Variants in GABBR2 observed in about 807,000 individuals in gnomAD.
GABBR2 encodes gamma-aminobutyric acid type B receptor subunit 2.
Under a neutral mutation model 105.6 loss-of-function variants are expected in GABBR2, and 23 were observed. The observed-to-expected ratio is 0.22, with a 90% CI of 0.16 to 0.31. The LOEUF (loss-of-function observed/expected upper bound fraction) is 0.31, where lower values mean the gene tolerates loss of function less well. Among genes scored for constraint, GABBR2 ranks in the 10% least tolerant of loss-of-function variants. GABBR2 has a pLI of 1.00. For synonymous variants in GABBR2, 478 were observed against 499.7 expected (o/e 0.96, Z 0.58); for missense variants, 734 against 1,245.5 (o/e 0.59, Z 6.18).
chr9:98,536,853 T>A (rs1828191165), intron 3 of GABBR2, among the ~76,000 whole-genome samples: 2 of 152,160 alleles, frequency 1.3e-5, no homozygotes, highest in African/African-American at 2.4e-5. Flanking sequence ...TTGTCTTCCA[T>A]CTGGCAGGGC....
intron 1 of GABBR2, among the ~76,000 whole-genome samples, chr9:98,624,333 C>T (rs1343280744): frequency 6.6e-6 from 1 of 152,176 alleles, no homozygotes; most frequent in Non-Finnish European, 1.5e-5. Flanking sequence ...ACCTCACAGC[C>T]TCAGTGGGTC....
intron 1 of GABBR2, among the ~76,000 whole-genome samples, chr9:98,633,108 G>A (rs1829835354): frequency 1.3e-5 from 2 of 152,282 alleles, no homozygotes; most frequent in East Asian, 1.9e-4. Flanking sequence ...GAACAAAAGT[G>A]AAGTCACCCA....
intron 5 of GABBR2, among the ~76,000 whole-genome samples, chr9:98,475,346 T>TAA (rs970234599): frequency 7.1e-6 from 1 of 141,772 alleles, no homozygotes. Flanking sequence ...ACAGAAACTT[T>TAA]AAAAAAAAAA....
intron 3 of GABBR2, among the ~76,000 whole-genome samples, chr9:98,521,813 G>A (rs1421705089): frequency 6.6e-6 from 1 of 152,050 alleles, no homozygotes; most frequent in East Asian, 1.9e-4. Context: ...CATGCTGTAA[G>A]CGAATACCAG....
At chr9:98,636,410 T>C (rs1829876701) in intron 1 of GABBR2, among the ~76,000 whole-genome samples, 2 of 151,934 alleles carry the variant, frequency 1.3e-5, no homozygotes, top group African/African-American at 4.8e-5. Flanking sequence ...AATCATGCCC[T>C]TGGAGACAGG....
intron 7 of GABBR2, among the ~76,000 whole-genome samples, chr9:98,446,856 A>T (rs1377422495): frequency 6.6e-6 from 1 of 152,114 alleles, no homozygotes; most frequent in Non-Finnish European, 1.5e-5. Context: ...AGAGCTTCTA[A>T]CAAGTTCTCC....
intron 8 of GABBR2, among the ~76,000 whole-genome samples, chr9:98,398,486 A>G (rs1832333715): frequency 6.6e-6 from 1 of 152,042 alleles, no homozygotes; most frequent in Admixed American, 6.5e-5. Flanking sequence ...CTGTAGCCCC[A>G]AACTCCTGTT....
chr9:98,447,848 G>A (rs565026082), intron 7 of GABBR2, among the ~76,000 whole-genome samples: 5 of 151,836 alleles, frequency 3.3e-5, no homozygotes, highest in Non-Finnish European at 7.4e-5. Context: ...AGGGGGTGGG[G>A]GGAGCATTTT....
At chr9:98,676,128 T>A (rs1202259808) in intron 1 of GABBR2, among the ~76,000 whole-genome samples, 1 of 152,250 alleles carries the variant, frequency 6.6e-6, no homozygotes, top group African/African-American at 2.4e-5. Flanking sequence ...ACAAGGGTTC[T>A]TATACGTGGG....
intron 13 of GABBR2, among the ~76,000 whole-genome samples, chr9:98,343,861 AAAAAAAAG>A (rs1052176364): frequency 6.6e-4 from 100 of 151,888 alleles, no homozygotes; most frequent in Admixed American, 1.9e-3. Context: ...CCGTCAAAAT[AAAAAAAAG>A]AAAAAAAGAA....
chr9:98,626,831 C>T (rs1424859764), intron 1 of GABBR2, among the ~76,000 whole-genome samples: 9 of 152,162 alleles, frequency 5.9e-5, no homozygotes, highest in African/African-American at 1.2e-4. Context: ...AGTCAGTCAA[C>T]GAGCACTAAT....
chr9:98,499,621 G>A (rs1466215908), intron 3 of GABBR2, among the ~76,000 whole-genome samples: 1 of 152,248 alleles, frequency 6.6e-6, no homozygotes, highest in Non-Finnish European at 1.5e-5. Flanking sequence ...TAATGTAATA[G>A]ATCTTCCTCA....
intron 2 of GABBR2, among the ~76,000 whole-genome samples, chr9:98,547,342 CA>C (rs1333792480): frequency 8.7e-6 from 1 of 115,092 alleles, no homozygotes; most frequent in Non-Finnish European, 1.9e-5. Context: ...ATATATTTAA[CA>C]TATTTATTAC....
intron 11 of GABBR2, among the ~76,000 whole-genome samples, chr9:98,380,568 CTCCACG>C (rs3837260): frequency 1.3e-5 from 2 of 152,250 alleles, no homozygotes; most frequent in East Asian, 3.8e-4. Context: ...TTGCAGACAG[CTCCACG>C]TCCACAGGGG....
intron 6 of GABBR2, among the ~76,000 whole-genome samples, chr9:98,464,231 C>T (rs988671193): frequency 1.8e-4 from 27 of 151,184 alleles, no homozygotes; most frequent in East Asian, 5.9e-4. Flanking sequence ...ATGTGAGGAG[C>T]GCCTCTGCCT....
At chr9:98,489,039 A>G (rs1433557585) in intron 4 of GABBR2, among the ~76,000 whole-genome samples, 1 of 152,230 alleles carries the variant, frequency 6.6e-6, no homozygotes, top group East Asian at 1.9e-4. Flanking sequence ...CTCATAGGCC[A>G]TATAGTCTCT....
At chr9:98,464,641 G>A (rs904030417) in intron 6 of GABBR2, among the ~76,000 whole-genome samples, 4 of 152,266 alleles carry the variant, frequency 2.6e-5, no homozygotes, top group Non-Finnish European at 4.4e-5. Flanking sequence ...CATCGAGAAT[G>A]GGCCATGATG....
intron 2 of GABBR2, chr9:98,555,570 C>T (rs1383686729): frequency 6.6e-6 from 1 of 152,188 alleles, no homozygotes; most frequent in Non-Finnish European, 1.5e-5. Context: ...GGCTCCTTTG[C>T]ACTTGGCTTT....
intron 7 of GABBR2, among the ~76,000 whole-genome samples, chr9:98,426,068 G>A (rs369506266): frequency 6.6e-6 from 1 of 152,194 alleles, no homozygotes; most frequent in Non-Finnish European, 1.5e-5. Context: ...GCTGTGAGGA[G>A]CTCAGAAGGC....
Sources: allele counts gnomAD v4.1 joint callset (sites outside exome capture counted in the v4.1 genomes callset), GRCh38; gene constraint gnomAD v4.1.1; transcripts MANE v1.5; gene names NCBI Gene and HGNC (gene_info 2026-07-23, HGNC 2026-07-21).